Variants in GLIS3 observed in about 807,000 individuals in gnomAD.
GLIS3 encodes the protein zinc finger protein GLIS3.
A neutral mutation model predicts 78.6 loss-of-function variants in GLIS3; 53 were observed. That is an observed-to-expected ratio of 0.67 (90% confidence interval 0.54 to 0.85). The LOEUF (loss-of-function observed/expected upper bound fraction) is 0.85. Among genes scored for constraint, GLIS3 ranks in the 40% least tolerant of loss-of-function variants. GLIS3 has a pLI of 0.00. For synonymous variants in GLIS3, 684 were observed against 509.9 expected (o/e 1.34, Z -4.60); for missense variants, 1,703 against 1,231.1 (o/e 1.38, Z -5.74).
At chr9:4,065,210 C>T (rs1826992085) in intron 4 of GLIS3, among the ~76,000 whole-genome samples, 1 of 152,168 alleles carries the variant, frequency 6.6e-6, no homozygotes, top group African/African-American at 2.4e-5. Context: ...TCTGGGATCC[C>T]CTTCTCAGGC....
intron 4 of GLIS3, among the ~76,000 whole-genome samples, chr9:3,941,066 A>T (rs547248264): frequency 6.6e-6 from 1 of 152,320 alleles, no homozygotes; most frequent in South Asian, 2.1e-4. Flanking sequence ...GACTGCTAAC[A>T]AGCCCCCCAT....
chr9:4,317,147 C>T (rs139595552), intron 2 of GLIS3, among the ~76,000 whole-genome samples: 12 of 152,274 alleles, frequency 7.9e-5, no homozygotes, highest in Admixed American at 5.2e-4. Context: ...CAGTGCCTTT[C>T]GACTGCAAGG....
At chr9:4,148,942 A>T (rs1402538773) in intron 2 of GLIS3, among the ~76,000 whole-genome samples, 9 of 152,120 alleles carry the variant, frequency 5.9e-5, no homozygotes, top group Admixed American at 5.9e-4. Flanking sequence ...CCCTATCAAC[A>T]GAACCTTTTC....
the GLIS3 span, among the ~76,000 whole-genome samples, chr9:4,425,139 C>T: frequency 6.6e-6 from 1 of 152,146 alleles, no homozygotes; most frequent in African/African-American, 2.4e-5. Flanking sequence ...TGGGTCCCTG[C>T]TCATCTGGAA....
the GLIS3 span, among the ~76,000 whole-genome samples, chr9:4,466,647 T>C: frequency 6.6e-6 from 1 of 152,200 alleles, no homozygotes; most frequent in East Asian, 1.9e-4. Context: ...ACCCAATTAA[T>C]AGAGAGAACT....
chr9:3,881,610 A>T (rs1415200285), intron 7 of GLIS3, among the ~76,000 whole-genome samples: 1 of 152,196 alleles, frequency 6.6e-6, no homozygotes, highest in Non-Finnish European at 1.5e-5. Context: ...AGCCTGGTTT[A>T]GGACCTCTCT....
At chr9:4,018,795 GCAA>G (rs1463797643) in intron 4 of GLIS3, among the ~76,000 whole-genome samples, 1 of 152,190 alleles carries the variant, frequency 6.6e-6, no homozygotes, top group East Asian at 1.9e-4. Context: ...GGGAATCACT[GCAA>G]TGGAGGGAAA....
At chr9:4,254,692 T>C (rs1357815928) in intron 2 of GLIS3, among the ~76,000 whole-genome samples, 1 of 151,852 alleles carries the variant, frequency 6.6e-6, no homozygotes, top group African/African-American at 2.4e-5. Flanking sequence ...ATACAAAAAT[T>C]AGCCGGGCAT....
chr9:4,382,986 A>T, the GLIS3 span, among the ~76,000 whole-genome samples: 3 of 152,194 alleles, frequency 2.0e-5, no homozygotes, highest in African/African-American at 7.2e-5. Flanking sequence ...GCTTGAATCC[A>T]TCTTCCCATC....
the GLIS3 span, among the ~76,000 whole-genome samples, chr9:4,407,892 A>G: frequency 6.6e-6 from 1 of 152,170 alleles, no homozygotes; most frequent in Non-Finnish European, 1.5e-5. Context: ...AATAGAATAT[A>G]TAAGGAGCTC....
At chr9:4,454,944 T>C in the GLIS3 span, among the ~76,000 whole-genome samples, 2 of 152,242 alleles carry the variant, frequency 1.3e-5, no homozygotes, top group African/African-American at 2.4e-5. Context: ...TTTTTCTTAA[T>C]AACTCTTTTT....
rs553366000 is a variant in GLIS3 at position 3,904,996 on chromosome 9, G to A, written c.1984-6161C>T. Among the ~76,000 whole-genome samples the A allele has an allele frequency of 4.0e-5, 6 of 149,188 alleles. No individual in the cohort carries two copies. In the South Asian group the frequency reaches 1.3e-3, roughly 32 times the overall value. On this transcript the variant is annotated intron_variant, in intron 6 of 10. Coordinates refer to ENST00000381971, the MANE Select transcript of GLIS3 (RefSeq NM_001042413.2). Reference sequence around the variant, plus strand: ...TGACTCTTTTTTTTTTTTTTGAGACGGAGTCTTGCTCTGTCTCCCAGGCCG... The same window carrying A: ...TGACTCTTTTTTTTTTTTTTGAGACAGAGTCTTGCTCTGTCTCCCAGGCCG...
intron 4 of GLIS3, chr9:4,054,567 C>G: frequency 2.0e-5 from 16 of 803,812 alleles, no homozygotes; most frequent in Non-Finnish European, 2.4e-5. Context: ...GGTCACAAGT[C>G]ACACCAGTCA....
intron 4 of GLIS3, among the ~76,000 whole-genome samples, chr9:4,108,604 A>T (rs750984884): frequency 5.3e-5 from 8 of 152,140 alleles, no homozygotes; most frequent in Non-Finnish European, 1.0e-4. Flanking sequence ...GGGACGAGGG[A>T]TGTGGAAAGA....
chr9:4,196,855 C>G (rs774743703), intron 2 of GLIS3, among the ~76,000 whole-genome samples: 1 of 152,188 alleles, frequency 6.6e-6, no homozygotes, highest in South Asian at 2.1e-4. Flanking sequence ...AGCTTGGCAA[C>G]CTGGAACCAA....
chr9:4,169,741 C>T (rs1289303174), intron 2 of GLIS3, among the ~76,000 whole-genome samples: 1 of 152,030 alleles, frequency 6.6e-6, no homozygotes, highest in Non-Finnish European at 1.5e-5. Flanking sequence ...AGGAAAAAAA[C>T]ACAGGGAGGG....
At chr9:3,893,507 C>A (rs983370462) in intron 7 of GLIS3, among the ~76,000 whole-genome samples, 7 of 152,110 alleles carry the variant, frequency 4.6e-5, no homozygotes, top group Non-Finnish European at 7.4e-5. Flanking sequence ...GTCATTATAA[C>A]GCTGCTGTGG....
chr9:3,967,030 AAAAC>A lies in GLIS3; in HGVS notation c.1711-29845_1711-29842del, dbSNP rs1479841153. Among the ~76,000 whole-genome samples the A allele has an allele frequency of 3.8e-4, 54 of 142,986 alleles. 3 individuals carry two copies. The highest frequency in any genetic ancestry group is 5.3e-4 in the African/African-American group (19 of 36,148). 93.8% of individuals were successfully genotyped at this position (142,986 alleles called of 152,430 possible). On this transcript the variant is annotated intron_variant, in intron 4 of 10. Transcript: ENST00000381971. Reference sequence around the variant, plus strand: ...TTTCTGCAAAAAAAAAAAAAAAAAAAAAACAAAAAAACATTTTGAGGATTTCTCA... The same window carrying A: ...TTTCTGCAAAAAAAAAAAAAAAAAAAAAAAAAACATTTTGAGGATTTCTCA...
At chr9:4,148,590 G>C (rs571223783) in intron 2 of GLIS3, among the ~76,000 whole-genome samples, 1 of 151,876 alleles carries the variant, frequency 6.6e-6, no homozygotes, top group African/African-American at 2.4e-5. Flanking sequence ...CATGAGGACA[G>C]GGACTGTACC....
Sources: gnomAD v4.1 joint callset for allele counts (sites outside exome capture counted in the v4.1 genomes callset) on GRCh38, gnomAD v4.1.1 for gene constraint, MANE v1.5 for transcripts, NCBI Gene and HGNC (gene_info 2026-07-23, HGNC 2026-07-21) for gene names.